PAX8: variants seen among roughly 807,000 people sequenced by gnomAD.
The protein encoded by PAX8 is paired box protein Pax-8.
In PAX8, 15 loss-of-function variants were observed where a neutral mutation model predicts 52.4. The observed-to-expected ratio is 0.29, with a 90% CI of 0.19 to 0.44. The LOEUF is 0.44. Among genes scored for constraint, PAX8 ranks in the 20% least tolerant of loss-of-function variants. The pLI, the probability that PAX8 is intolerant of heterozygous loss-of-function variation, is 1.00. For synonymous variants in PAX8, 284 were observed against 249.7 expected (o/e 1.14, Z -1.29); for missense variants, 554 against 602.5 (o/e 0.92, Z 0.84).
At position 113,242,012 on chromosome 2, in the gene PAX8, A is replaced by C; in HGVS notation, c.597T>G (p.Asp199Glu). The change falls in exon 6 of 12, where the codon GAT becomes GAG. Residue 199 changes from aspartate (D) to glutamate (E), a missense_variant. Coordinates refer to ENST00000429538, the MANE Select transcript of PAX8 (RefSeq NM_003466.4). The stretch of plus-strand genomic sequence containing the variant: ...CCCTCCTGTCCCAGCACTCACTGTC[A>C]TCCATTTTCCTCTTGTCGCTGCCAG... ...AQPGSDKRKM[D>E]DSDQDSCRLS... The C allele has an allele frequency of 6.2e-7, 1 of 1,613,616 alleles. No individual in the cohort carries two copies. Among genetic ancestry groups the C allele is most frequent in the Non-Finnish European group, 8.5e-7 (1 of 1,179,792 alleles).
intron 9 of PAX8, among the ~76,000 whole-genome samples, chr2:113,232,983 G>A (rs941464202): frequency 2.0e-5 from 3 of 151,224 alleles, no homozygotes; most frequent in Non-Finnish European, 1.5e-5. Context: ...GCAGGCTTGC[G>A]TAACTCCCTG....
At chr2:113,275,241 ACTTAT>A (rs1402185133) in intron 2 of PAX8, 2 of 152,236 alleles carry the variant, frequency 1.3e-5, no homozygotes, top group Admixed American at 1.3e-4. Context: ...TTAAAAAGAT[ACTTAT>A]CTTAAAACTA....
chr2:113,240,833 C>T (rs552217217), intron 7 of PAX8: 1 of 155,522 alleles, frequency 6.4e-6, no homozygotes, highest in Non-Finnish European at 1.4e-5. Context: ...TTTCATGAGG[C>T]TTCCCTGTCC....
chr2:113,271,772 T>C (rs1317940503), intron 2 of PAX8: 1 of 149,134 alleles, frequency 6.7e-6, no homozygotes, highest in Non-Finnish European at 1.5e-5. Flanking sequence ...GAAAGGGGAA[T>C]TGGAGTCTTA....
At chr2:113,278,731 T>C (rs975961840) in intron 1 of PAX8, 100 bp downstream of exon 1, 1 of 628,734 alleles carries the variant, frequency 1.6e-6, no homozygotes, top group Non-Finnish European at 2.3e-6. Context: ...CCGTTTAACT[T>C]GGGAGGGAAA....
At chr2:113,236,503 T>G (rs1474923065) in intron 8 of PAX8, 98 bp downstream of exon 8, 1 of 1,395,530 alleles carries the variant, frequency 7.2e-7, no homozygotes, top group Non-Finnish European at 9.6e-7. Flanking sequence ...AGCCCGCCTC[T>G]CCTCTCCAGG....
Position 113,235,335 on chromosome 2 carries a change from G to A in PAX8, c.1087+59C>T. The A allele has an allele frequency of 2.1e-6, 3 of 1,438,604 alleles. No homozygotes were observed. The South Asian group carries it at 3.9e-5, about 19-fold the overall frequency. The allele number at this position is 1,438,604 out of a possible 1,614,324, so 89.1% of individuals were successfully genotyped here. On this transcript the variant is annotated intron_variant, in intron 9 of 11. Coordinates refer to ENST00000429538, the MANE Select transcript of PAX8 (RefSeq NM_003466.4). Reference sequence around the variant, plus strand: ...AGAGAGGGGGCTGGCGGTCTGCCCTGAGGACCCCCGTCCCACCCGCCGCCA... The same window carrying A: ...AGAGAGGGGGCTGGCGGTCTGCCCTAAGGACCCCCGTCCCACCCGCCGCCA...
chr2:113,217,527 T>G lies in PAX8; in HGVS notation c.*1006A>C, dbSNP rs1479. Reference sequence around the variant, plus strand: ...AGCTTGACCCAAACAAAGTTTCATTTACAGTATATACAGTCAGGCCTTGGG... The same window carrying G: ...AGCTTGACCCAAACAAAGTTTCATTGACAGTATATACAGTCAGGCCTTGGG... On this transcript the variant is annotated 3_prime_UTR_variant, in exon 12 of 12. Coordinates refer to ENST00000429538, the MANE Select transcript of PAX8 (RefSeq NM_003466.4). The G allele has an allele frequency of 0.25, 57,268 of 230,418 alleles. 8,865 individuals are homozygous for G. The highest frequency in any genetic ancestry group is 0.48 in the African/African-American group (21,545 of 45,202). The allele number at this position is 230,418 out of a possible 1,614,324, so 14.3% of individuals were successfully genotyped here.
chr2:113,268,894 C>T (rs541412290), intron 2 of PAX8: 1 of 152,524 alleles, frequency 6.6e-6, no homozygotes, highest in South Asian at 2.1e-4. Context: ...AGGGGGAGCC[C>T]TGAGGCCCAG....
intron 8 of PAX8, chr2:113,235,825 C>T: frequency 1.9e-6 from 1 of 519,382 alleles, no homozygotes; most frequent in Non-Finnish European, 3.4e-6. Flanking sequence ...CGTGTGTGCG[C>T]CCGCCTCTCC....
At chr2:113,267,169 C>T (rs1419262851) in intron 2 of PAX8, 1 of 152,240 alleles carries the variant, frequency 6.6e-6, no homozygotes, top group African/African-American at 2.4e-5. Context: ...ATATCCTGAG[C>T]TGAGCAGAGA....
rs2104409216 is a variant in PAX8 at position 113,218,145 on chromosome 2, C to A, written c.*388G>T. 4.0e-6 allele frequency: 1 copy of A among 252,722 alleles called. No homozygotes were observed. Among genetic ancestry groups the A allele is most frequent in the South Asian group, 1.7e-4 (1 of 5,820 alleles). 15.7% of individuals were successfully genotyped at this position (252,722 alleles called of 1,614,324 possible). On this transcript the variant is annotated 3_prime_UTR_variant, in exon 12 of 12. Transcript: ENST00000429538. The stretch of plus-strand genomic sequence containing the variant: ...GCTAGAGTTGTGTTAATAATGGAGC[C>A]ATGGAGGTGCCCTGTGCACCCCTTG...
At chr2:113,255,993 G>GT (rs1283349506) in intron 2 of PAX8, among the ~76,000 whole-genome samples, 1 of 103,408 alleles carries the variant, frequency 9.7e-6, no homozygotes. Context: ...GGCTCAATCA[G>GT]TAAAAAAAAA....
rs777373967 is a variant in PAX8, at chr2:113,235,543, T to C, written c.938A>G (p.Glu313Gly). 1.2e-6 allele frequency: 2 copies of C among 1,613,614 alleles called. No individual in the cohort carries two copies. Residue 313 changes from glutamate to glycine, a missense_variant, in exon 9 of 12, where the codon GAG (glutamate) becomes GGG (glycine). Physicochemically the swap from Glu to Gly is moderately conservative, Grantham distance 98. Around this residue, in one of 2 missense-constraint regions of PAX8, gnomAD observed 445 missense variants for 409.9 expected, o/e 1.09. Coordinates refer to ENST00000429538, the MANE Select transcript of PAX8 (RefSeq NM_003466.4). ...AGGGGTGGAGCTAGAACTGGACACC[T>C]CGGGGGTTTCCTGCTTTATGGCGAA... Reference protein sequence around the residue: ...SPFAIKQETPEVSSSSSTPSS... With the variant: ...SPFAIKQETPGVSSSSSTPSS...
Position 113,246,907 on chromosome 2 carries a change from A to C in PAX8, c.38T>G (p.Leu13Arg), listed in dbSNP as rs1691366611. Residue 13 changes from leucine (L) to arginine (R), a missense_variant, in exon 3 of 12, where the codon CTG becomes CGG. Physicochemically the swap from Leu to Arg is moderately radical, Grantham distance 102. This residue lies in a region of PAX8 where 109 missense variants were observed against 192.7 expected (regional missense o/e 0.57). Coordinates refer to ENST00000429538, the MANE Select transcript of PAX8 (RefSeq NM_003466.4). ...CACAAAGGCCCCTCCCAGCTGGTTC[A>C]GCCCTCCATGGCCTAAGGAGACAAT... ...HNSIRSGHGG[L>R]NQLGGAFVNG... 2 of 1,613,754 alleles carry C rather than the reference A, an allele frequency of 1.2e-6. No homozygotes were observed. The highest frequency in any genetic ancestry group is 8.5e-7 in the Non-Finnish European group (1 of 1,179,800).
At chr2:113,274,865 A>G (rs1318736669) in intron 2 of PAX8, 1 of 152,214 alleles carries the variant, frequency 6.6e-6, no homozygotes, top group Admixed American at 6.5e-5. Context: ...GAAGCATATA[A>G]AGGGCCGTTG....
chr2:113,219,354 G>A (rs891020820), intron 11 of PAX8, among the ~76,000 whole-genome samples: 12 of 152,166 alleles, frequency 7.9e-5, no homozygotes, highest in Non-Finnish European at 1.8e-4. Flanking sequence ...GCTCCGGTTT[G>A]CTCTGATACA....
intron 10 of PAX8, among the ~76,000 whole-genome samples, chr2:113,220,686 T>C (rs1233281272): frequency 6.6e-6 from 1 of 152,064 alleles, no homozygotes; most frequent in East Asian, 1.9e-4. Flanking sequence ...ATGAACCTTT[T>C]AGCCTCGCTA....
chr2:113,256,245 G>A (rs1692236522), intron 2 of PAX8, among the ~76,000 whole-genome samples: 1 of 152,212 alleles, frequency 6.6e-6, no homozygotes. Context: ...CCCAGAGATA[G>A]TAGCTACAGG....
Sources: allele counts gnomAD v4.1 joint callset (sites outside exome capture counted in the v4.1 genomes callset), GRCh38; gene constraint gnomAD v4.1.1; regional missense constraint gnomAD v4.1.1; transcripts MANE v1.5; gene names NCBI Gene and HGNC (gene_info 2026-07-23, HGNC 2026-07-21).